PCDHGA11: variants seen among roughly 807,000 people sequenced by gnomAD.
PCDHGA11 encodes protocadherin gamma-A11.
PCDHGA11 carries 39 observed loss-of-function variants against 60.4 expected under a neutral mutation model. The ratio of observed to expected loss-of-function variants is 0.65; its 90% CI spans 0.50 to 0.84. The LOEUF (loss-of-function observed/expected upper bound fraction) is 0.84. PCDHGA11 is among the 40% of genes least tolerant of loss of function. The pLI is 0.00. For missense variants in PCDHGA11, 1,165 were observed against 1,197.7 expected, an observed-to-expected ratio of 0.97 and a Z score of 0.40; for synonymous variants, 533 against 510.3, an observed-to-expected ratio of 1.04 and a Z score of -0.60.
At position 141,476,683 on chromosome 5, in the gene PCDHGA11, C is replaced by T; in HGVS notation, c.2434-18124C>T. The T allele has an allele frequency of 1.9e-6, 3 of 1,614,242 alleles. No homozygotes were observed. Among genetic ancestry groups the T allele is most frequent in the Non-Finnish European group, 2.5e-6 (3 of 1,180,052 alleles). ...CGCTTCGCGTGCAGACGCGGGAGGA[C>T]AGCACCAAGTACGCGGAGCTGGTGT... On this transcript the variant is annotated intron_variant, in intron 1 of 3. Coordinates refer to ENST00000398587, the MANE Select transcript of PCDHGA11 (RefSeq NM_018914.3). The surrounding 1 kb of genome is among the most constrained non-coding windows in gnomAD (Gnocchi z 7.6).
intron 1 of PCDHGA11, chr5:141,478,355 G>A: frequency 6.2e-7 from 1 of 1,613,742 alleles, no homozygotes; most frequent in Non-Finnish European, 8.5e-7. Context: ...CGCGGACGCC[G>A]TGCGGGGAGG....
chr5:141,423,874 A>G (rs1264795133), intron 1 of PCDHGA11: 2 of 1,283,268 alleles, frequency 1.6e-6, no homozygotes, highest in East Asian at 3.1e-5. Context: ...GTCATTTTTC[A>G]ATCTTGGCAT....
chr5:141,485,858 C>A lies in PCDHGA11; in HGVS notation c.2434-8949C>A, dbSNP rs1431906047. 8.1e-6 allele frequency: 13 copies of A among 1,614,162 alleles called. No individual in the cohort carries two copies. The South Asian group carries it at 1.4e-4, about 18-fold the overall frequency. ...GCCGAGATCTGGCACCGCAGAGCTC[C>A]GGGTATCCGTGCTGGACGTAAACGA... On this transcript the variant is annotated intron_variant, in intron 1 of 3. Coordinates refer to ENST00000398587, the MANE Select transcript of PCDHGA11 (RefSeq NM_018914.3). This position sits in a 1 kb window ranked among gnomAD's most constrained non-coding sequence, Gnocchi z 5.7.
Position 141,486,650 on chromosome 5 carries a change from T to C in PCDHGA11, c.2434-8157T>C, listed in dbSNP as rs1321605826. On this transcript the variant is annotated intron_variant, in intron 1 of 3. Coordinates refer to ENST00000398587, the MANE Select transcript of PCDHGA11 (RefSeq NM_018914.3). The surrounding 1 kb of genome is among the most constrained non-coding windows in gnomAD (Gnocchi z 5.0). ...TGGCTTGAATGCGCTTATCTCCTAC[T>C]CACTCCTGGAGCCCAGGAATCGAGA... is the stretch of plus-strand genomic sequence containing the variant. The C allele has an allele frequency of 6.2e-7, 1 of 1,613,834 alleles. No individual in the cohort carries two copies. Among genetic ancestry groups the C allele is most frequent in the African/African-American group, 1.3e-5 (1 of 74,938 alleles).
Position 141,431,154 on chromosome 5 carries a change from A to G in PCDHGA11, c.2433+7494A>G, listed in dbSNP as rs754200786. ...AGGGACATTAACGACAATGCGCCTT[A>G]CTTTCGTGAAAGTGAATTAGAAATA... On this transcript the variant is annotated intron_variant, in intron 1 of 3. Coordinates refer to ENST00000398587, the MANE Select transcript of PCDHGA11 (RefSeq NM_018914.3). The surrounding 1 kb of genome is among the most constrained non-coding windows in gnomAD (Gnocchi z 4.8). 1.1e-5 allele frequency: 18 copies of G among 1,614,136 alleles called. No homozygotes were observed. In the East Asian group the frequency reaches 4.0e-4, roughly 36 times the overall value.
At chr5:141,428,041 TG>T (rs1260865435) in intron 1 of PCDHGA11, 1 of 1,608,448 alleles carries the variant, frequency 6.2e-7, no homozygotes, top group African/African-American at 1.3e-5. Flanking sequence ...GGCTACCTGG[TG>T]ACCAAGGTGG....
chr5:141,512,555 A>C lies in PCDHGA11; in HGVS notation c.*1382A>C, dbSNP rs1294402882. 2.6e-5 allele frequency: 4 copies of C among 152,986 alleles called. No individual in the cohort carries two copies. The highest frequency in any genetic ancestry group is 9.6e-5 in the African/African-American group (4 of 41,472). 9.5% of individuals were successfully genotyped at this position (152,986 alleles called of 1,614,324 possible). A position where few individuals can be genotyped will look rare whatever the true frequency, so the allele number is the denominator to read the frequency against. ...AGTTCCCCAGTGCCTCCTTGTGCAT[A>C]GACCTTCTTCTCCCACCCCCTTCTG... On this transcript the variant is annotated 3_prime_UTR_variant, in exon 4 of 4. Transcript: ENST00000398587.
intron 1 of PCDHGA11, among the ~76,000 whole-genome samples, chr5:141,424,923 T>C (rs1428936860): frequency 6.6e-6 from 1 of 152,186 alleles, no homozygotes; most frequent in African/African-American, 2.4e-5. Flanking sequence ...CCATAATCAA[T>C]TCAGTCAACA....
At chr5:141,447,656 C>T (rs1352103605) in intron 1 of PCDHGA11, among the ~76,000 whole-genome samples, 1 of 152,056 alleles carries the variant, frequency 6.6e-6, no homozygotes, top group Non-Finnish European at 1.5e-5. Flanking sequence ...ATTTTCCCCC[C>T]CAGGAAGTTA....
intron 2 of PCDHGA11, among the ~76,000 whole-genome samples, chr5:141,503,269 C>A (rs1161751693): frequency 6.6e-6 from 1 of 152,116 alleles, no homozygotes; most frequent in Non-Finnish European, 1.5e-5. Context: ...ACCCCAGCAC[C>A]TGGCTCTGTG....
Position 141,429,441 on chromosome 5 carries a change from T to C in PCDHGA11, c.2433+5781T>C, listed in dbSNP as rs541676798. On this transcript the variant is annotated intron_variant, in intron 1 of 3. Transcript: ENST00000398587. ...TGTTGCCCAGGCTGGACTCAAACTCTTGGGCTACAGTAATCCTCCCACCTC... is the reference window on the plus strand; with the variant it reads ...TGTTGCCCAGGCTGGACTCAAACTCCTGGGCTACAGTAATCCTCCCACCTC... 1.5e-4 allele frequency among the ~76,000 whole-genome samples: 23 copies of C among 152,170 alleles called. No individual in the cohort carries two copies. The South Asian group carries it at 4.6e-3, about 30-fold the overall frequency.
chr5:141,481,934 AAT>A (rs1245984926), intron 1 of PCDHGA11, among the ~76,000 whole-genome samples: 5 of 147,494 alleles, frequency 3.4e-5, no homozygotes, highest in Admixed American at 3.4e-4. Flanking sequence ...AAAAAAAAAA[AAT>A]CAGCCAGATG....
chr5:141,474,291 AGT>A (rs1191263215), intron 1 of PCDHGA11, among the ~76,000 whole-genome samples: 1 of 152,210 alleles, frequency 6.6e-6, no homozygotes, highest in Admixed American at 6.5e-5. Flanking sequence ...CCACTAGATC[AGT>A]GCTTGTCAAA....
chr5:141,476,346 T>G lies in PCDHGA11; in HGVS notation c.2434-18461T>G, dbSNP rs1239836597. On this transcript the variant is annotated intron_variant, in intron 1 of 3. Coordinates refer to ENST00000398587, the MANE Select transcript of PCDHGA11 (RefSeq NM_018914.3). The surrounding 1 kb of genome is among the most constrained non-coding windows in gnomAD (Gnocchi z 7.6). The stretch of plus-strand genomic sequence containing the variant: ...GTGTCTGGAGCTAGCCGAAGATTCT[T>G]TGAGGTGAACCGGGAGACCGGAGAG... 2.5e-6 allele frequency: 4 copies of G among 1,613,932 alleles called. No individual in the cohort carries two copies. Among genetic ancestry groups the G allele is most frequent in the Non-Finnish European group, 3.4e-6 (4 of 1,180,022 alleles).
At chr5:141,469,548 C>A (rs2099204726) in intron 1 of PCDHGA11, among the ~76,000 whole-genome samples, 1 of 152,212 alleles carries the variant, frequency 6.6e-6, no homozygotes, top group East Asian at 1.9e-4. Context: ...GCACTCCAGC[C>A]TGGCGACAGA....
Position 141,486,617 on chromosome 5 carries a change from C to G in PCDHGA11, c.2434-8190C>G. ...GCTTTGCTCCCTTGCAGCCTCTGAC[C>G]CAGACTCTGGCTTGAATGCGCTTAT... On this transcript the variant is annotated intron_variant, in intron 1 of 3. Transcript: ENST00000398587. This position sits in a 1 kb window ranked among gnomAD's most constrained non-coding sequence, Gnocchi z 5.0. 1 of 1,613,602 alleles carries G rather than the reference C, an allele frequency of 6.2e-7. No homozygotes were observed. Among genetic ancestry groups the G allele is most frequent in the South Asian group, 1.1e-5 (1 of 91,086 alleles).
At position 141,511,241 on chromosome 5, in the gene PCDHGA11, C is replaced by G; in HGVS notation, c.*68C>G. ...CCAGCCCAGCTTCTCCTTACCTGCA[C>G]CCAGGCCTCAGAGTTTCAGGGCTAA... On this transcript the variant is annotated 3_prime_UTR_variant, in exon 4 of 4. Transcript: ENST00000398587. 1 of 1,585,214 alleles carries G rather than the reference C, an allele frequency of 6.3e-7. No individual in the cohort carries two copies. The highest frequency in any genetic ancestry group is 1.1e-5 in the South Asian group (1 of 87,760).
chr5:141,450,183 A>G (rs1461369835), intron 1 of PCDHGA11, among the ~76,000 whole-genome samples: 1 of 151,558 alleles, frequency 6.6e-6, no homozygotes, highest in Non-Finnish European at 1.5e-5. Context: ...ACACCCAGCT[A>G]ATTTTTGTAT....
chr5:141,494,906 A>T, intron 2 of PCDHGA11, 41 bp downstream of exon 2: 1 of 1,613,800 alleles, frequency 6.2e-7, no homozygotes, highest in Non-Finnish European at 8.5e-7. Flanking sequence ...TCTCTGCGGC[A>T]TTTTCTCAGG....
Sources: allele counts gnomAD v4.1 joint callset (sites outside exome capture counted in the v4.1 genomes callset), GRCh38; gene constraint gnomAD v4.1.1; non-coding constraint Gnocchi (gnomAD v3.1); transcripts MANE v1.5; gene names NCBI Gene and HGNC (gene_info 2026-07-23, HGNC 2026-07-21).